PCED1B: variants seen among roughly 807,000 people sequenced by gnomAD.
PCED1B encodes the protein PC-esterase domain containing 1B.
For missense variants in PCED1B, 573 were observed against 573.9 expected (o/e 1.00, Z 0.02); for synonymous variants, 251 against 246.1 (o/e 1.02, Z -0.19).
At chr12:47,138,396 T>C (rs748189677) in intron 2 of PCED1B, 15 of 152,248 alleles carry the variant, frequency 9.9e-5, no homozygotes, top group Admixed American at 9.8e-4. Flanking sequence ...ATGGCAGTAG[T>C]AGACTTCGAC....
intron 2 of PCED1B, among the ~76,000 whole-genome samples, chr12:47,124,149 G>A (rs1048964874): frequency 2.6e-5 from 4 of 151,886 alleles, no homozygotes; most frequent in Non-Finnish European, 4.4e-5. Flanking sequence ...ATCCCAAAAA[G>A]TTCTCTCATG....
intron 2 of PCED1B, among the ~76,000 whole-genome samples, chr12:47,207,201 T>C (rs1275196008): frequency 6.6e-6 from 1 of 152,248 alleles, no homozygotes; most frequent in African/African-American, 2.4e-5. Flanking sequence ...GACTTTAGCC[T>C]GAAGGTGACA....
chr12:47,177,279 T>G (rs1941952991), intron 2 of PCED1B, among the ~76,000 whole-genome samples: 1 of 152,210 alleles, frequency 6.6e-6, no homozygotes, highest in Non-Finnish European at 1.5e-5. Context: ...ACCTAAATGA[T>G]TCACTGAGGG....
At chr12:47,164,180 A>G (rs1041160808) in intron 2 of PCED1B, among the ~76,000 whole-genome samples, 1 of 152,232 alleles carries the variant, frequency 6.6e-6, no homozygotes, top group Non-Finnish European at 1.5e-5. Context: ...CTTCTCACAT[A>G]CAAAATAGAA....
At chr12:47,124,950 C>A (rs916357539) in intron 2 of PCED1B, among the ~76,000 whole-genome samples, 4 of 151,910 alleles carry the variant, frequency 2.6e-5, no homozygotes, top group African/African-American at 4.8e-5. Context: ...AATATTCTCT[C>A]CCAATCTGTG....
At chr12:47,201,595 AT>A (rs546748153) in intron 2 of PCED1B, among the ~76,000 whole-genome samples, 3 of 148,256 alleles carry the variant, frequency 2.0e-5, no homozygotes, top group East Asian at 3.9e-4. Flanking sequence ...AAAGGAAGAA[AT>A]TTTTTTTTCT....
At chr12:47,143,668 C>T (rs1940679276) in intron 2 of PCED1B, among the ~76,000 whole-genome samples, 1 of 152,226 alleles carries the variant, frequency 6.6e-6, no homozygotes, top group Admixed American at 6.5e-5. Flanking sequence ...AAGCAAGCTA[C>T]AAGCTCAGTG....
chr12:47,092,611 A>T (rs371510536), intron 1 of PCED1B, among the ~76,000 whole-genome samples: 13 of 152,136 alleles, frequency 8.5e-5, no homozygotes, highest in African/African-American at 2.9e-4. Flanking sequence ...CTTAGGGGGA[A>T]GTTTTCAACA....
intron 2 of PCED1B, among the ~76,000 whole-genome samples, chr12:47,108,981 A>G (rs1322587925): frequency 6.6e-6 from 1 of 152,212 alleles, no homozygotes; most frequent in Non-Finnish European, 1.5e-5. Flanking sequence ...CCACAGATGG[A>G]ATTCTTTCAT....
intron 2 of PCED1B, among the ~76,000 whole-genome samples, chr12:47,115,328 C>T (rs1415017308): frequency 6.6e-6 from 1 of 152,138 alleles, no homozygotes; most frequent in African/African-American, 2.4e-5. Context: ...GTTCTCACTC[C>T]TGCTATTGTG....
At chr12:47,157,217 A>G (rs1941222389) in intron 2 of PCED1B, among the ~76,000 whole-genome samples, 1 of 152,180 alleles carries the variant, frequency 6.6e-6, no homozygotes, top group African/African-American at 2.4e-5. Context: ...AAAAAATCCC[A>G]TCTTGTTAAT....
chr12:47,192,419 G>A (rs1043732475), intron 2 of PCED1B, among the ~76,000 whole-genome samples: 1 of 152,042 alleles, frequency 6.6e-6, no homozygotes, highest in Admixed American at 6.6e-5. Flanking sequence ...CAGACTGATC[G>A]GCTCTATCCA....
intron 2 of PCED1B, among the ~76,000 whole-genome samples, chr12:47,126,217 T>A (rs936899027): frequency 6.6e-6 from 1 of 152,110 alleles, no homozygotes; most frequent in African/African-American, 2.4e-5. Context: ...TGAGTTTTTA[T>A]AAGGAATGCA....
chr12:47,107,109 G>A (rs866690728), intron 2 of PCED1B, among the ~76,000 whole-genome samples: 6 of 152,180 alleles, frequency 3.9e-5, no homozygotes, highest in African/African-American at 1.2e-4. Flanking sequence ...ATGATACCAA[G>A]TGCCCTGATT....
At chr12:47,125,194 G>A (rs1479029478) in intron 2 of PCED1B, among the ~76,000 whole-genome samples, 1 of 151,884 alleles carries the variant, frequency 6.6e-6, no homozygotes, top group Non-Finnish European at 1.5e-5. Flanking sequence ...TTCTTACACT[G>A]CCCAAGGTAT....
chr12:47,159,566 C>T (rs1222521305), intron 2 of PCED1B, among the ~76,000 whole-genome samples: 1 of 151,810 alleles, frequency 6.6e-6, no homozygotes, highest in Non-Finnish European at 1.5e-5. Flanking sequence ...GGTTTTTGCC[C>T]ACTTTTTAAT....
chr12:47,108,788 G>A (rs1174088070), intron 2 of PCED1B, among the ~76,000 whole-genome samples: 1 of 152,084 alleles, frequency 6.6e-6, no homozygotes, highest in Non-Finnish European at 1.5e-5. Flanking sequence ...TTAATGGCTA[G>A]GCATGGCAGC....
intron 2 of PCED1B, among the ~76,000 whole-genome samples, chr12:47,130,464 G>A (rs573925751): frequency 3.9e-5 from 6 of 152,084 alleles, no homozygotes; most frequent in Non-Finnish European, 8.8e-5. Flanking sequence ...ATCACTTAAG[G>A]TTAGGAGTTT....
intron 2 of PCED1B, among the ~76,000 whole-genome samples, chr12:47,127,536 T>G (rs1280009105): frequency 6.6e-6 from 1 of 151,954 alleles, no homozygotes; most frequent in East Asian, 1.9e-4. Flanking sequence ...GTTAATTTTT[T>G]GTATTTTTTA....
Sources: allele counts gnomAD v4.1 joint callset (sites outside exome capture counted in the v4.1 genomes callset), GRCh38; gene constraint gnomAD v4.1.1; transcripts MANE v1.5; gene names NCBI Gene and HGNC (gene_info 2026-07-23, HGNC 2026-07-21).